Variants in ASB3 observed in about 807,000 individuals in gnomAD.
ASB3 encodes the protein ankyrin repeat and SOCS box containing 3.
A neutral mutation model predicts 54.5 loss-of-function variants in ASB3; 41 were observed. The ratio of observed to expected loss-of-function variants is 0.75; its 90% CI spans 0.59 to 0.98. The LOEUF (loss-of-function observed/expected upper bound fraction) is 0.98, where lower values mean the gene tolerates loss of function less well. Ranked by LOEUF, ASB3 falls within the 50% of genes least tolerant of loss-of-function variation. The pLI is 0.00. For missense variants in ASB3, 733 were observed against 620.0 expected (o/e 1.18, Z -1.94); for synonymous variants, 266 against 221.2 (o/e 1.20, Z -1.80).
intron 8 of ASB3, among the ~76,000 whole-genome samples, chr2:53,700,023 T>A (rs1006465016): frequency 2.0e-5 from 3 of 152,096 alleles, no homozygotes; most frequent in African/African-American, 7.2e-5. Context: ...CGAAGAAATA[T>A]CCCTCTTAGA....
Position 53,693,998 on chromosome 2 carries a change from T to A in ASB3, c.1255A>T (p.Ile419Phe), listed in dbSNP as rs748592388. The A allele has an allele frequency of 1.2e-6, 2 of 1,613,384 alleles. No individual in the cohort carries two copies. Among genetic ancestry groups the A allele is most frequent in the Non-Finnish European group, 1.7e-6 (2 of 1,179,502 alleles). The change falls in exon 9 of 10, where the codon ATT becomes TTT. Residue 419 changes from isoleucine (I) to phenylalanine (F), a missense_variant. By Grantham distance (21) the Ile-to-Phe change is conservative. Transcript: ENST00000263634. The stretch of plus-strand genomic sequence containing the variant: ...TCCAAAGTGAAGATAAGGGTGTCAA[T>A]GCTGACTGAGTCAATCCTATGTTAG... ...LCNSWIDSVS[I>F]DTLIFTLEFT...
chr2:53,691,686 C>T (rs1255081532), intron 9 of ASB3, among the ~76,000 whole-genome samples: 2 of 152,012 alleles, frequency 1.3e-5, no homozygotes, highest in Non-Finnish European at 2.9e-5. Context: ...AATTGAGTAT[C>T]CTAAAAACTG....
intron 1 of ASB3, chr2:53,768,248 G>T: frequency 2.0e-6 from 1 of 503,104 alleles, no homozygotes; most frequent in Non-Finnish European, 3.5e-6. Context: ...TTAGTCTCTA[G>T]AGACGGCGAG....
intron 1 of ASB3, among the ~76,000 whole-genome samples, chr2:53,778,971 A>G (rs1341581471): frequency 6.6e-6 from 1 of 152,228 alleles, no homozygotes; most frequent in South Asian, 2.1e-4. Flanking sequence ...ACTGTTTTCC[A>G]TAACGGTTGT....
intron 7 of ASB3, among the ~76,000 whole-genome samples, chr2:53,710,783 C>T (rs1389363034): frequency 6.6e-6 from 1 of 152,142 alleles, no homozygotes; most frequent in African/African-American, 2.4e-5. Context: ...ATGAATGTGC[C>T]ACTCAGGGTC....
chr2:53,689,502 G>A (rs1049440725), intron 9 of ASB3, among the ~76,000 whole-genome samples: 1 of 152,192 alleles, frequency 6.6e-6, no homozygotes, highest in Non-Finnish European at 1.5e-5. Context: ...TGGAATGCTA[G>A]TTCATTATTA....
Position 53,765,429 on chromosome 2 carries a change from A to C in ASB3, c.144T>G (p.His48Gln). 1 of 1,614,236 alleles carries C rather than the reference A, an allele frequency of 6.2e-7. No individual in the cohort carries two copies. The highest frequency in any genetic ancestry group is 8.5e-7 in the Non-Finnish European group (1 of 1,180,036). Reference sequence around the variant, plus strand: ...CTACAGAGTTGTGATAAGCTGCTTCATGAATTGGCATCCATCCCCTGTTAT... The same window carrying C: ...CTACAGAGTTGTGATAAGCTGCTTCCTGAATTGGCATCCATCCCCTGTTAT... ...VADNRGWMPI[H>Q]EAAYHNSVEC... The change falls in exon 2 of 10, where the codon CAT (histidine) becomes CAG (glutamine). Residue 48 changes from histidine (H) to glutamine (Q), a missense_variant. Transcript: ENST00000263634.
chr2:53,678,711 C>T (rs576390369), intron 9 of ASB3, among the ~76,000 whole-genome samples: 1 of 152,156 alleles, frequency 6.6e-6, no homozygotes, highest in African/African-American at 2.4e-5. Context: ...GATAAGTCCT[C>T]GGGAATCCCC....
intron 3 of ASB3, 25 bp downstream of exon 3, chr2:53,750,758 T>G: frequency 2.0e-6 from 3 of 1,467,874 alleles, no homozygotes; most frequent in Non-Finnish European, 1.8e-6. Context: ...AAAAATTGCA[T>G]CTGCACCACA....
chr2:53,765,668 GTCTAGTA>G, intron 1 of ASB3, 83 bp from the exon 2 acceptor site: 1 of 1,505,836 alleles, frequency 6.6e-7, no homozygotes, highest in South Asian at 1.2e-5. Context: ...CGGTGGGCCT[GTCTAGTA>G]TCTCTCACAT....
intron 9 of ASB3, among the ~76,000 whole-genome samples, chr2:53,687,038 G>A (rs115035533): frequency 1.4e-3 from 217 of 152,202 alleles, no homozygotes; most frequent in Non-Finnish European, 2.5e-3. Flanking sequence ...CTTTCTTAAC[G>A]TACCAACAGA....
At chr2:53,679,881 T>C (rs2103657865) in intron 9 of ASB3, among the ~76,000 whole-genome samples, 1 of 152,298 alleles carries the variant, frequency 6.6e-6, no homozygotes, top group Non-Finnish European at 1.5e-5. Context: ...TATTTTTTCC[T>C]GGTCCTCTCC....
At chr2:53,713,237 G>T (rs1457329177) in intron 7 of ASB3, among the ~76,000 whole-genome samples, 1 of 152,176 alleles carries the variant, frequency 6.6e-6, no homozygotes, top group Non-Finnish European at 1.5e-5. Context: ...AATGTTAAGA[G>T]ATAGTAAAGG....
chr2:53,689,446 T>G (rs781587404), intron 9 of ASB3, among the ~76,000 whole-genome samples: 14 of 152,224 alleles, frequency 9.2e-5, no homozygotes, highest in Non-Finnish European at 1.9e-4. Context: ...TTTTAAAAAC[T>G]AATAGGTTTT....
intron 6 of ASB3, among the ~76,000 whole-genome samples, 161 bp downstream of exon 6, chr2:53,716,405 A>T (rs943595375): frequency 1.3e-5 from 2 of 152,170 alleles, no homozygotes; most frequent in South Asian, 4.1e-4. Context: ...GGAGCAAAAG[A>T]CAGCATGAAG....
chr2:53,736,647 C>A (rs1447060117), intron 3 of ASB3, among the ~76,000 whole-genome samples: 1 of 150,460 alleles, frequency 6.6e-6, no homozygotes, highest in African/African-American at 2.4e-5. Context: ...TGCAGTGAGC[C>A]GAAATCGCGC....
Position 53,750,849 on chromosome 2 carries a change from T to A in ASB3, c.289A>T (p.Ile97Phe), listed in dbSNP as rs1233180232. The change falls in exon 3 of 10, where the codon ATT (isoleucine) becomes TTT (phenylalanine). Residue 97 changes from isoleucine (I) to phenylalanine (F), a missense_variant. By Grantham distance (21) the Ile-to-Phe change is conservative (BLOSUM62 0). Coordinates refer to ENST00000263634, the MANE Select transcript of ASB3 (RefSeq NM_016115.5). The part of the protein sequence containing the change: ...ASQGHWKIVQ[I>F]LLEAGADPNA... Reference sequence around the variant, plus strand: ...GGATCTGCCCCAGCTTCTAAAAGAATCTGTACGATTTTCCAATGTCCTTGA... The same window carrying A: ...GGATCTGCCCCAGCTTCTAAAAGAAACTGTACGATTTTCCAATGTCCTTGA... 5 of 1,603,364 alleles carry A rather than the reference T, an allele frequency of 3.1e-6. No individual in the cohort carries two copies. Among genetic ancestry groups the A allele is most frequent in the Non-Finnish European group, 4.3e-6 (5 of 1,174,728 alleles).
intron 2 of ASB3, among the ~76,000 whole-genome samples, chr2:53,753,424 G>A (rs1044825194): frequency 1.3e-5 from 2 of 152,182 alleles, no homozygotes. Flanking sequence ...AGGCTAGAAT[G>A]AACCATGTGT....
At chr2:53,697,252 G>A (rs1381967343) in intron 8 of ASB3, among the ~76,000 whole-genome samples, 2 of 152,164 alleles carry the variant, frequency 1.3e-5, no homozygotes, top group East Asian at 3.8e-4. Context: ...TATAAAAAGG[G>A]GGAAACCCTC....
Sources: allele counts gnomAD v4.1 joint callset (sites outside exome capture counted in the v4.1 genomes callset), GRCh38; gene constraint gnomAD v4.1.1; transcripts MANE v1.5; gene names NCBI Gene and HGNC (gene_info 2026-07-23, HGNC 2026-07-21).